GABRG2: variants seen among roughly 807,000 people sequenced by gnomAD.
GABRG2 encodes gamma-aminobutyric acid type A receptor subunit gamma2, also known as gamma-aminobutyric acid receptor subunit gamma-2.
In GABRG2, 16 loss-of-function variants were observed where a neutral mutation model predicts 56.4. That is an observed-to-expected ratio of 0.28 (90% CI 0.19 to 0.43). The LOEUF is 0.43. Among genes scored for constraint, GABRG2 ranks in the 20% least tolerant of loss-of-function variants. The pLI, the probability that GABRG2 is intolerant of heterozygous loss-of-function variation, is 1.00. For synonymous variants in GABRG2, 208 were observed against 205.5 expected (o/e 1.01, Z -0.10); for missense variants, 327 against 582.7 (o/e 0.56, Z 4.52).
At chr5:162,117,071 A>G (rs1226463341) in intron 6 of GABRG2, among the ~76,000 whole-genome samples, 1 of 152,190 alleles carries the variant, frequency 6.6e-6, no homozygotes, top group Admixed American at 6.6e-5. Context: ...TTGGGTCAAG[A>G]CTGTCTCACT....
chr5:162,147,940 T>A (rs532468032), intron 7 of GABRG2, among the ~76,000 whole-genome samples: 1 of 152,308 alleles, frequency 6.6e-6, no homozygotes, highest in East Asian at 1.9e-4. Context: ...TTCAAAGAGT[T>A]AGTCCCACAG....
At position 162,155,320 on chromosome 5, in the gene GABRG2, T is replaced by C. The variant is rs1005108541; in HGVS notation, c.*1952T>C. 20 of 152,524 alleles carry C rather than the reference T, an allele frequency of 1.3e-4. No homozygotes were observed. The highest frequency in any genetic ancestry group is 4.1e-4 in the African/African-American group (17 of 41,426). 9.4% of individuals were successfully genotyped at this position (152,524 alleles called of 1,614,324 possible). ...CAAGTTTCAATGGTGAGAAACATTA[T>C]TGTCAACTTGAAATGTGTTCTGTAA... On this transcript the variant is annotated 3_prime_UTR_variant, in exon 10 of 10. Transcript: ENST00000639213.
intron 1 of GABRG2, among the ~76,000 whole-genome samples, chr5:162,090,934 G>A (rs1253456844): frequency 2.0e-5 from 3 of 152,060 alleles, no homozygotes; most frequent in Non-Finnish European, 4.4e-5. Context: ...TTCCTAGATA[G>A]CCTATCTGTG....
rs147538889 is a variant in GABRG2 at position 162,103,530 on chromosome 5, G to C, written c.632-359G>C. ...CTTGCTCTGTTAACTGCCTTTCACTGTGATACAAGACTTTGTATTTCTACT... is the reference window on the plus strand; with the variant it reads ...CTTGCTCTGTTAACTGCCTTTCACTCTGATACAAGACTTTGTATTTCTACT... On this transcript the variant is annotated intron_variant, in intron 5 of 9. Transcript: ENST00000639213. 1.3e-4 allele frequency: 29 copies of C among 227,890 alleles called. 1 individual carries two copies. Among genetic ancestry groups the C allele is most frequent in the African/African-American group, 5.4e-4 (24 of 44,084 alleles). The allele number at this position is 227,890 out of a possible 1,614,324, so 14.1% of individuals were successfully genotyped here.
At chr5:162,116,085 A>G (rs185521164) in intron 6 of GABRG2, among the ~76,000 whole-genome samples, 1 of 149,604 alleles carries the variant, frequency 6.7e-6, no homozygotes, top group East Asian at 2.1e-4. Flanking sequence ...CCAATTATGA[A>G]TTAAACACCA....
chr5:162,105,217 A>T (rs1761713230), intron 6 of GABRG2, among the ~76,000 whole-genome samples: 1 of 152,186 alleles, frequency 6.6e-6, no homozygotes, highest in Non-Finnish European at 1.5e-5. Context: ...GAAATTTATG[A>T]TTCGATTCTA....
At chr5:162,139,784 A>G (rs562373337) in intron 6 of GABRG2, among the ~76,000 whole-genome samples, 3 of 152,328 alleles carry the variant, frequency 2.0e-5, no homozygotes, top group Non-Finnish European at 1.5e-5. Context: ...AAACACATTT[A>G]AAATGTGCAG....
chr5:162,115,059 A>G (rs1442298027), intron 6 of GABRG2, among the ~76,000 whole-genome samples: 1 of 152,184 alleles, frequency 6.6e-6, no homozygotes, highest in African/African-American at 2.4e-5. Context: ...TACATAGTTA[A>G]TGTTCTGCAA....
chr5:162,120,857 A>C (rs1264285646), intron 6 of GABRG2, among the ~76,000 whole-genome samples: 1 of 152,158 alleles, frequency 6.6e-6, no homozygotes, highest in Non-Finnish European at 1.5e-5. Flanking sequence ...ATTCCCATTA[A>C]AACCTGGTAG....
At chr5:162,121,873 G>A (rs1380012614) in intron 6 of GABRG2, among the ~76,000 whole-genome samples, 2 of 151,958 alleles carry the variant, frequency 1.3e-5, no homozygotes, top group African/African-American at 4.8e-5. Context: ...AAGATCACGG[G>A]ATTATCATTT....
intron 1 of GABRG2, among the ~76,000 whole-genome samples, chr5:162,089,478 A>C (rs370995835): frequency 3.6e-4 from 55 of 152,268 alleles, no homozygotes; most frequent in African/African-American, 1.3e-3. Context: ...GAAAAGGTCA[A>C]AGATATCATT....
rs913874100 is a variant in GABRG2, at chr5:162,141,196, C to T, written c.770-968C>T. Among the ~76,000 whole-genome samples, 4 of 152,084 alleles carry T rather than the reference C, an allele frequency of 2.6e-5. No individual in the cohort carries two copies. In the South Asian group the frequency reaches 8.3e-4, roughly 32 times the overall value. On this transcript the variant is annotated intron_variant, in intron 6 of 9. Coordinates refer to ENST00000639213, the MANE Select transcript of GABRG2 (RefSeq NM_198904.4). ...GGACTACAGGCGCCCGCCACACCAC[C>T]AGGCTAATTTTTTGTATTTTTTAGT...
chr5:162,153,400 T>C lies in GABRG2; in HGVS notation c.*32T>C, dbSNP rs749257839. On this transcript the variant is annotated 3_prime_UTR_variant, in exon 10 of 10. Coordinates refer to ENST00000639213, the MANE Select transcript of GABRG2 (RefSeq NM_198904.4). ...ATGGGTTTTACTGATATGGTTCTTA[T>C]TCACTGAGTCTCATGGAGAGATGTC... The C allele has an allele frequency of 1.2e-6, 2 of 1,609,558 alleles. No individual in the cohort carries two copies. Among genetic ancestry groups the C allele is most frequent in the Admixed American group, 3.3e-5 (2 of 59,998 alleles).
chr5:162,087,127 G>A (rs1760182635), intron 1 of GABRG2, among the ~76,000 whole-genome samples: 2 of 152,018 alleles, frequency 1.3e-5, no homozygotes, highest in East Asian at 1.9e-4. Context: ...ATAGGGAGGT[G>A]TAATCCATAG....
At chr5:162,110,572 AG>A (rs1762182693) in intron 6 of GABRG2, among the ~76,000 whole-genome samples, 1 of 152,136 alleles carries the variant, frequency 6.6e-6, no homozygotes, top group South Asian at 2.1e-4. Flanking sequence ...GCAGAAAAAA[AG>A]GAAAGTTAAA....
intron 6 of GABRG2, among the ~76,000 whole-genome samples, chr5:162,138,570 A>G (rs535049894): frequency 3.9e-4 from 60 of 152,306 alleles, no homozygotes; most frequent in Middle Eastern, 3.4e-3. Context: ...AGTGATTCAA[A>G]ATATCTGTGG....
intron 6 of GABRG2, among the ~76,000 whole-genome samples, chr5:162,136,041 A>G (rs940415608): frequency 2.0e-5 from 3 of 152,208 alleles, no homozygotes; most frequent in East Asian, 1.9e-4. Context: ...TGAGAGCAAC[A>G]TATTGCAAAC....
intron 9 of GABRG2, chr5:162,152,083 G>T: frequency 8.1e-6 from 2 of 247,912 alleles, no homozygotes; most frequent in Admixed American, 5.2e-5. Context: ...TACCAAGTTT[G>T]TACTCTTTTA....
At chr5:162,083,405 A>G (rs1021556242) in intron 1 of GABRG2, 1 of 153,634 alleles carries the variant, frequency 6.5e-6, no homozygotes, top group African/African-American at 2.4e-5. Context: ...CTCCTTGCAA[A>G]TATTTAAAAA....
Sources: allele counts gnomAD v4.1 joint callset (sites outside exome capture counted in the v4.1 genomes callset), GRCh38; gene constraint gnomAD v4.1.1; transcripts MANE v1.5; gene names NCBI Gene and HGNC (gene_info 2026-07-23, HGNC 2026-07-21).